Variants in KLHL18 observed in about 807,000 individuals in gnomAD.
The protein encoded by KLHL18 is kelch-like protein 18.
In KLHL18, 38 loss-of-function variants were observed where a neutral mutation model predicts 58.5. The ratio of observed to expected loss-of-function variants is 0.65; its 90% CI spans 0.50 to 0.85. The LOEUF is 0.85. Ranked by LOEUF, KLHL18 falls within the 40% of genes least tolerant of loss-of-function variation. The pLI is 0.00. For missense variants in KLHL18, 624 were observed against 778.4 expected (o/e 0.80, Z 2.36); for synonymous variants, 303 against 301.9 (o/e 1.00, Z -0.04).
chr3:47,283,014 G>C lies in KLHL18; in HGVS notation c.49G>C (p.Val17Leu). ...EELEDLVHFS[V>L]SELPSRGYGV... ...GCTGGAGGATCTGGTGCACTTCTCCGTGTCTGAGTTGCCTAGTCGCGGCTA... is the reference window on the plus strand; with the variant it reads ...GCTGGAGGATCTGGTGCACTTCTCCCTGTCTGAGTTGCCTAGTCGCGGCTA... Residue 17 changes from valine to leucine, a missense_variant, in exon 1 of 10, where the codon GTG becomes CTG. Val to Leu is a conservative substitution (Grantham distance 32). Coordinates refer to ENST00000232766, the MANE Select transcript of KLHL18 (RefSeq NM_025010.5). 6.2e-7 allele frequency: 1 copy of C among 1,610,188 alleles called. No individual in the cohort carries two copies. Among genetic ancestry groups the C allele is most frequent in the Non-Finnish European group, 8.5e-7 (1 of 1,178,572 alleles).
At chr3:47,325,661 C>G (rs1180906753) in intron 3 of KLHL18, among the ~76,000 whole-genome samples, 1 of 152,142 alleles carries the variant, frequency 6.6e-6, no homozygotes, top group East Asian at 1.9e-4. Flanking sequence ...CAGCCCGCTG[C>G]TTTTTTTCCC....
rs1432903427 is a variant in KLHL18, at chr3:47,283,361, C to T, written c.129+267C>T. ...TGGAGTGGGAGACACGGGTGACAGCCTCCTTTTTCTGTCATGCAGACAAGA... is the reference window on the plus strand; with the variant it reads ...TGGAGTGGGAGACACGGGTGACAGCTTCCTTTTTCTGTCATGCAGACAAGA... On this transcript the variant is annotated intron_variant, in intron 1 of 9. Transcript: ENST00000232766. The T allele has an allele frequency of 6.1e-6, 3 of 494,708 alleles. No individual in the cohort carries two copies. In the East Asian group the frequency reaches 1.0e-4, roughly 17 times the overall value. 30.6% of individuals were successfully genotyped at this position (494,708 alleles called of 1,614,324 possible).
At chr3:47,317,959 C>T (rs1293915958) in intron 1 of KLHL18, among the ~76,000 whole-genome samples, 6 of 152,188 alleles carry the variant, frequency 3.9e-5, no homozygotes, top group Non-Finnish European at 8.8e-5. Flanking sequence ...GCCTCTGCCT[C>T]CCAGGTTCAA....
At chr3:47,288,727 T>C (rs1702730071) in intron 1 of KLHL18, among the ~76,000 whole-genome samples, 1 of 152,216 alleles carries the variant, frequency 6.6e-6, no homozygotes, top group East Asian at 1.9e-4. Flanking sequence ...ATTCTGTATC[T>C]CCCATGGCTT....
At chr3:47,297,593 C>T (rs1445141462) in intron 1 of KLHL18, 1 of 456,604 alleles carries the variant, frequency 2.2e-6, no homozygotes, top group African/African-American at 2.0e-5. Flanking sequence ...ATGAGAAGGT[C>T]ATGCTTTTCC....
chr3:47,330,141 G>C lies in KLHL18; in HGVS notation c.592G>C (p.Glu198Gln), dbSNP rs1471729408. The C allele has an allele frequency of 6.2e-7, 1 of 1,613,988 alleles. No individual in the cohort carries two copies. The highest frequency in any genetic ancestry group is 8.5e-7 in the Non-Finnish European group (1 of 1,180,014). Residue 198 changes from glutamate to glutamine, a missense_variant, in exon 4 of 10, where the codon GAG (glutamate) becomes CAG (glutamine). By Grantham distance (29) the Glu-to-Gln change is conservative. Transcript: ENST00000232766. ...VSRDELNVKSEEQVFEAALAW... is the reference protein window; with the variant it reads ...VSRDELNVKSQEQVFEAALAW... Reference sequence around the variant, plus strand: ...TCGGGATGAGCTGAATGTCAAATCTGAGGAGCAGGTATGTGAGCCCAGTAG... The same window carrying C: ...TCGGGATGAGCTGAATGTCAAATCTCAGGAGCAGGTATGTGAGCCCAGTAG...
chr3:47,320,300 A>T (rs575175389), intron 2 of KLHL18, among the ~76,000 whole-genome samples: 6 of 152,334 alleles, frequency 3.9e-5, no homozygotes, highest in African/African-American at 1.4e-4. Context: ...AGTGGGACTG[A>T]AGAACTGAAT....
intron 3 of KLHL18, among the ~76,000 whole-genome samples, chr3:47,329,649 A>G (rs1326863401): frequency 6.6e-6 from 1 of 152,228 alleles, no homozygotes; most frequent in East Asian, 1.9e-4. Context: ...ACAGATTTTC[A>G]GTGCCTGCAC....
At chr3:47,341,480 C>T (rs1704107587) in intron 8 of KLHL18, among the ~76,000 whole-genome samples, 2 of 152,112 alleles carry the variant, frequency 1.3e-5, no homozygotes, top group South Asian at 4.1e-4. Flanking sequence ...CTCTTGGGCA[C>T]AGAGCAGAGA....
chr3:47,300,804 A>C (rs1482225444), intron 1 of KLHL18, among the ~76,000 whole-genome samples: 1 of 151,494 alleles, frequency 6.6e-6, no homozygotes, highest in Admixed American at 6.6e-5. Flanking sequence ...ATGCCTGGCT[A>C]ATTTTTGTAT....
At chr3:47,296,083 C>T (rs1702890934) in intron 1 of KLHL18, among the ~76,000 whole-genome samples, 1 of 152,164 alleles carries the variant, frequency 6.6e-6, no homozygotes, top group South Asian at 2.1e-4. Context: ...TGGGTGGGGG[C>T]CTGTTCGAAG....
At chr3:47,335,532 A>AGT (rs1016861765) in intron 6 of KLHL18, among the ~76,000 whole-genome samples, 18 of 152,074 alleles carry the variant, frequency 1.2e-4, no homozygotes, top group African/African-American at 4.3e-4. Context: ...TTTGAGATGG[A>AGT]GTGTCACTCT....
chr3:47,293,074 A>T (rs778311230), intron 1 of KLHL18, among the ~76,000 whole-genome samples: 1 of 152,190 alleles, frequency 6.6e-6, no homozygotes, highest in South Asian at 2.1e-4. Flanking sequence ...AACTACCTAG[A>T]ATAGTCAAAT....
chr3:47,334,832 T>G lies in KLHL18; in HGVS notation c.898+13T>G. 2 of 1,604,768 alleles carry G rather than the reference T, an allele frequency of 1.2e-6. 1 individual carries two copies. The highest frequency in any genetic ancestry group is 2.2e-5 in the South Asian group (2 of 89,960). On this transcript the variant is annotated intron_variant, in intron 6 of 9. Transcript: ENST00000232766. The surrounding 1 kb of genome is among the most constrained non-coding windows in gnomAD (Gnocchi z 4.7). ...CTCAACTCAGCAGGTACCTTGCGGC[T>G]CCCCTTTATAGACCCTCCTCTTGGA...
chr3:47,301,323 A>C (rs962529611), intron 1 of KLHL18, among the ~76,000 whole-genome samples: 6 of 152,026 alleles, frequency 3.9e-5, no homozygotes, highest in Non-Finnish European at 7.4e-5. Flanking sequence ...ATTTTCTGCT[A>C]TATTTTATTC....
At chr3:47,314,229 G>A (rs1213534531) in intron 1 of KLHL18, among the ~76,000 whole-genome samples, 3 of 151,962 alleles carry the variant, frequency 2.0e-5, no homozygotes, top group African/African-American at 7.3e-5. Flanking sequence ...AAAAATCCCT[G>A]CCTCAAGAAA....
intron 1 of KLHL18, among the ~76,000 whole-genome samples, chr3:47,303,916 T>C (rs563526510): frequency 6.6e-5 from 10 of 151,728 alleles, no homozygotes; most frequent in African/African-American, 2.4e-4. Flanking sequence ...TTTACAGAGA[T>C]GAGCTCTATC....
chr3:47,313,964 G>A (rs1703365330), intron 1 of KLHL18, among the ~76,000 whole-genome samples: 1 of 152,218 alleles, frequency 6.6e-6, no homozygotes, highest in Admixed American at 6.5e-5. Flanking sequence ...GTGCAGAATG[G>A]GTACCTGGCA....
At chr3:47,340,522 G>C in intron 7 of KLHL18, 50 bp from the exon 8 acceptor site, 1 of 1,612,340 alleles carries the variant, frequency 6.2e-7, no homozygotes, top group Admixed American at 1.7e-5. Context: ...AAGAGAGGCT[G>C]CTCCAGGAAG....
Sources: allele counts gnomAD v4.1 joint callset (sites outside exome capture counted in the v4.1 genomes callset), GRCh38; gene constraint gnomAD v4.1.1; non-coding constraint Gnocchi (gnomAD v3.1); transcripts MANE v1.5; gene names NCBI Gene and HGNC (gene_info 2026-07-23, HGNC 2026-07-21).